Variants in SDK1 observed in about 807,000 individuals in gnomAD.
SDK1 encodes the protein protein sidekick-1.
In SDK1, 157 loss-of-function variants were observed where a neutral mutation model predicts 245.5. The observed-to-expected ratio is 0.64, with a 90% CI of 0.56 to 0.73. SDK1 has a LOEUF of 0.73. Ranked by LOEUF, SDK1 falls within the 30% of genes least tolerant of loss-of-function variation. The pLI is 0.00. For synonymous variants in SDK1, 1,647 were observed against 1,278.5 expected, an observed-to-expected ratio of 1.29 and a Z score of -6.15; for missense variants, 3,583 against 3,002.3, an observed-to-expected ratio of 1.19 and a Z score of -4.52.
intron 5 of SDK1, among the ~76,000 whole-genome samples, chr7:3,837,517 G>T (rs368570745): frequency 6.6e-6 from 1 of 152,216 alleles, no homozygotes; most frequent in African/African-American, 2.4e-5. Flanking sequence ...TCTAGGGGCA[G>T]ATGTTTTTGG....
At chr7:4,171,596 C>G (rs1781842150) in intron 32 of SDK1, among the ~76,000 whole-genome samples, 1 of 152,206 alleles carries the variant, frequency 6.6e-6, no homozygotes, top group Non-Finnish European at 1.5e-5. Context: ...GGCGGCCAGC[C>G]AGGGCCAGAG....
intron 1 of SDK1, among the ~76,000 whole-genome samples, chr7:3,378,652 G>T (rs1280618262): frequency 4.6e-5 from 7 of 152,004 alleles, no homozygotes; most frequent in Admixed American, 4.6e-4. Flanking sequence ...TACTTCAAAG[G>T]CTTGGTGTTT....
chr7:4,188,166 A>G (rs1375936656), intron 35 of SDK1, among the ~76,000 whole-genome samples: 1 of 152,246 alleles, frequency 6.6e-6, no homozygotes, highest in East Asian at 1.9e-4. Context: ...GGGTGGGGGC[A>G]CAGCCCAACC....
At chr7:3,502,245 AATTT>A (rs1170887453) in intron 1 of SDK1, among the ~76,000 whole-genome samples, 2 of 151,512 alleles carry the variant, frequency 1.3e-5, no homozygotes, top group Non-Finnish European at 2.9e-5. Flanking sequence ...TTAATTAATT[AATTT>A]ATTTTTAGAC....
At chr7:4,207,970 C>T in intron 36 of SDK1, 129 bp from the exon 37 acceptor site, 1 of 702,264 alleles carries the variant, frequency 1.4e-6, no homozygotes, top group Non-Finnish European at 2.4e-6. Flanking sequence ...GGAGCCTTTC[C>T]ACCTTCCCAC....
intron 19 of SDK1, among the ~76,000 whole-genome samples, chr7:4,067,122 C>G (rs556448893): frequency 6.6e-6 from 1 of 152,258 alleles, no homozygotes; most frequent in South Asian, 2.1e-4. Flanking sequence ...TTTATTTTCC[C>G]TGCTTCACAC....
intron 1 of SDK1, among the ~76,000 whole-genome samples, chr7:3,431,217 C>G (rs181577110): frequency 6.6e-6 from 1 of 152,156 alleles, no homozygotes; most frequent in African/African-American, 2.4e-5. Flanking sequence ...CACTTTTAAA[C>G]TAAGAAAACA....
intron 43 of SDK1, 125 bp downstream of exon 43, chr7:4,242,038 A>T: frequency 8.6e-7 from 1 of 1,156,566 alleles, no homozygotes; most frequent in Admixed American, 2.3e-5. Context: ...AACCCAACCC[A>T]CCGCCAAGTG....
intron 1 of SDK1, among the ~76,000 whole-genome samples, chr7:3,520,193 G>A (rs1228189821): frequency 1.3e-5 from 2 of 152,102 alleles, no homozygotes; most frequent in African/African-American, 4.8e-5. Flanking sequence ...CTGTCTTTTG[G>A]AATAGTGATT....
intron 4 of SDK1, among the ~76,000 whole-genome samples, chr7:3,798,938 A>C (rs1332820375): frequency 6.6e-6 from 1 of 152,242 alleles, no homozygotes; most frequent in Admixed American, 6.5e-5. Context: ...TCTTGCCTGC[A>C]GTAACTGTTT....
At chr7:3,314,573 T>C (rs1436104810) in intron 1 of SDK1, among the ~76,000 whole-genome samples, 1 of 152,324 alleles carries the variant, frequency 6.6e-6, no homozygotes, top group African/African-American at 2.4e-5. Flanking sequence ...CAACTTGATA[T>C]GATTGGTTGA....
intron 17 of SDK1, among the ~76,000 whole-genome samples, chr7:4,041,607 T>G (rs1199639069): frequency 6.6e-6 from 1 of 152,100 alleles, no homozygotes; most frequent in Non-Finnish European, 1.5e-5. Context: ...TGTTCACCCC[T>G]CCTGACTGCC....
intron 1 of SDK1, among the ~76,000 whole-genome samples, chr7:3,504,016 G>C (rs1014329501): frequency 6.6e-6 from 1 of 152,020 alleles, no homozygotes; most frequent in East Asian, 1.9e-4. Context: ...CGGGCATGGT[G>C]GCACGTGCCT....
intron 1 of SDK1, among the ~76,000 whole-genome samples, chr7:3,425,573 A>C (rs1018434987): frequency 6.6e-6 from 1 of 152,254 alleles, no homozygotes; most frequent in Non-Finnish European, 1.5e-5. Flanking sequence ...GTCAGAATGG[A>C]AAACAAATTT....
chr7:4,087,770 G>C (rs866140491), intron 22 of SDK1, among the ~76,000 whole-genome samples: 4 of 152,012 alleles, frequency 2.6e-5, no homozygotes, highest in Non-Finnish European at 2.9e-5. Flanking sequence ...CCCTTTTTTA[G>C]CACCCCTGTT....
chr7:3,723,937 TATATATAGAGAG>T lies in SDK1; in HGVS notation c.713+81834_713+81845del, dbSNP rs1397292878. 8.4e-4 allele frequency among the ~76,000 whole-genome samples: 100 copies of T among 119,214 alleles called. 1 individual carries two copies. The highest frequency in any genetic ancestry group is 2.1e-3 in the African/African-American group (67 of 31,824). 78.2% of individuals were successfully genotyped at this position (119,214 alleles called of 152,430 possible). A position where few individuals can be genotyped will look rare whatever the true frequency, so the allele number is the denominator to read the frequency against. ...ATATATATACACGTATATATATATA[TATATATAGAGAG>T]AGAGAGAGAGAGAGAGAGAGAGAGA... On this transcript the variant is annotated intron_variant, in intron 4 of 44. Transcript: ENST00000404826.
rs539762191 is a variant in SDK1 at position 4,110,924 on chromosome 7, G to A, written c.3434+152G>A. On this transcript the variant is annotated intron_variant, in intron 23 of 44. Coordinates refer to ENST00000404826, the MANE Select transcript of SDK1 (RefSeq NM_152744.4). ...TACCTAAAAGCCTTAAGGAGCAGGC[G>A]GGATGCATAGCTTGGTGTTATTCCA... 1.0e-4 allele frequency: 63 copies of A among 629,806 alleles called. No individual in the cohort carries two copies. In the Middle Eastern group the frequency reaches 1.0e-3, roughly 10 times the overall value. 39.0% of individuals were successfully genotyped at this position (629,806 alleles called of 1,614,324 possible).
At chr7:3,631,483 C>G (rs1197643854) in intron 2 of SDK1, among the ~76,000 whole-genome samples, 2 of 152,176 alleles carry the variant, frequency 1.3e-5, no homozygotes, top group African/African-American at 4.8e-5. Context: ...GTTAACTCCT[C>G]TTTGCTCCTG....
intron 5 of SDK1, among the ~76,000 whole-genome samples, chr7:3,886,885 C>G (rs1332394850): frequency 2.0e-5 from 3 of 152,120 alleles, no homozygotes; most frequent in Non-Finnish European, 4.4e-5. Context: ...TACTGCACAC[C>G]AACCTGGGCA....
Sources: allele counts gnomAD v4.1 joint callset (sites outside exome capture counted in the v4.1 genomes callset), GRCh38; gene constraint gnomAD v4.1.1; transcripts MANE v1.5; gene names NCBI Gene and HGNC (gene_info 2026-07-23, HGNC 2026-07-21).